COL22A1: variants seen among roughly 807,000 people sequenced by gnomAD.
COL22A1 encodes collagen type XXII alpha 1 chain.
A neutral mutation model predicts 248.9 loss-of-function variants in COL22A1; 221 were observed. The ratio of observed to expected loss-of-function variants is 0.89; its 90% CI spans 0.80 to 0.99. COL22A1 has a LOEUF of 0.99. Ranked by LOEUF, COL22A1 falls within the 50% of genes least tolerant of loss-of-function variation. The probability of loss-of-function intolerance (pLI) is 0.00; values close to 1 mark genes in which losing one functional copy is unlikely to be tolerated. For synonymous variants in COL22A1, 891 were observed against 793.4 expected (o/e 1.12, Z -2.07); for missense variants, 2,240 against 2,179.0 (o/e 1.03, Z -0.56).
intron 44 of COL22A1, 27 bp from the exon 45 acceptor site, chr8:138,655,971 A>G (rs1214689826): frequency 1.9e-6 from 3 of 1,567,152 alleles, no homozygotes; most frequent in East Asian, 4.5e-5. Context: ...AAACAAACAC[A>G]TACGTACATG....
At chr8:138,665,055 CA>C (rs1189972142) in intron 41 of COL22A1, among the ~76,000 whole-genome samples, 3 of 152,134 alleles carry the variant, frequency 2.0e-5, no homozygotes, top group Admixed American at 6.5e-5. Context: ...AGTATAGTGT[CA>C]GGGGTAACCT....
chr8:138,878,470 T>C lies in COL22A1; in HGVS notation c.92-154A>G, dbSNP rs1384830268. Among the ~76,000 whole-genome samples, 3 of 152,182 alleles carry C rather than the reference T, an allele frequency of 2.0e-5. No homozygotes were observed. In the East Asian group the frequency reaches 5.8e-4, roughly 29 times the overall value. On this transcript the variant is annotated intron_variant, in intron 2 of 64. Transcript: ENST00000303045. ...AGGGCCCTGGGCTGCCTGAAAGGCC[T>C]GAGCCTCAGTTTCCACACCTTCACA...
intron 20 of COL22A1, 109 bp from the exon 21 acceptor site, chr8:138,755,319 C>A: frequency 7.5e-7 from 1 of 1,328,080 alleles, no homozygotes. Context: ...TCCAAGTTCT[C>A]GATAGGGAGT....
intron 12 of COL22A1, among the ~76,000 whole-genome samples, chr8:138,789,371 C>A (rs1041326682): frequency 6.6e-6 from 1 of 152,186 alleles, no homozygotes; most frequent in Non-Finnish European, 1.5e-5. Flanking sequence ...AGGCACTCAA[C>A]CACAGTTATC....
intron 47 of COL22A1, among the ~76,000 whole-genome samples, chr8:138,640,684 T>A (rs975406320): frequency 6.6e-6 from 1 of 152,188 alleles, no homozygotes; most frequent in Non-Finnish European, 1.5e-5. Flanking sequence ...GCAAGTATTA[T>A]GAGGACCACT....
intron 59 of COL22A1, among the ~76,000 whole-genome samples, chr8:138,604,361 TG>T (rs1238174274): frequency 6.6e-6 from 1 of 152,198 alleles, no homozygotes; most frequent in Non-Finnish European, 1.5e-5. Flanking sequence ...AGAGGATCAC[TG>T]CAGTGTTCAA....
chr8:138,845,771 A>G, intron 3 of COL22A1, among the ~76,000 whole-genome samples: 1 of 152,120 alleles, frequency 6.6e-6, no homozygotes, highest in East Asian at 1.9e-4. Context: ...ATTGGGCAAG[A>G]TTATGCCCAC....
chr8:138,623,884 A>G (rs1021916955), intron 51 of COL22A1, 99 bp from the exon 52 acceptor site: 1 of 1,013,504 alleles, frequency 9.9e-7, no homozygotes, highest in Non-Finnish European at 1.5e-6. Flanking sequence ...AGCTTCCAGC[A>G]GTTGCCTTCA....
intron 30 of COL22A1, among the ~76,000 whole-genome samples, chr8:138,703,851 G>C (rs1354043330): frequency 6.6e-6 from 1 of 152,184 alleles, no homozygotes; most frequent in Non-Finnish European, 1.5e-5. Context: ...GAGGCACAAA[G>C]AGTTGGGGAA....
intron 16 of COL22A1, among the ~76,000 whole-genome samples, chr8:138,764,965 T>C (rs1220650443): frequency 6.6e-6 from 1 of 151,972 alleles, no homozygotes; most frequent in Non-Finnish European, 1.5e-5. Context: ...CAAAACAAAA[T>C]AAAAGTAATA....
At chr8:138,589,530 A>G in intron 64 of COL22A1, 90 bp from the exon 65 acceptor site, 11 of 1,095,554 alleles carry the variant, frequency 1.0e-5, no homozygotes, top group Non-Finnish European at 1.4e-5. Context: ...TTCACTATGA[A>G]CTCAGGACCT....
intron 3 of COL22A1, among the ~76,000 whole-genome samples, chr8:138,873,132 C>A (rs1008799009): frequency 6.6e-6 from 1 of 152,174 alleles, no homozygotes; most frequent in African/African-American, 2.4e-5. Flanking sequence ...ACTTCCACAC[C>A]TGTCCCCTGC....
chr8:138,891,695 G>A (rs573472576), intron 1 of COL22A1, among the ~76,000 whole-genome samples: 16 of 152,112 alleles, frequency 1.1e-4, no homozygotes, highest in Non-Finnish European at 2.2e-4. Context: ...CAGTCACTCA[G>A]CAACATTGCT....
At chr8:138,804,451 G>A (rs567687340) in intron 10 of COL22A1, among the ~76,000 whole-genome samples, 2 of 152,358 alleles carry the variant, frequency 1.3e-5, no homozygotes, top group East Asian at 1.9e-4. Context: ...AAGCACAGCA[G>A]AGGCAGCCAT....
intron 3 of COL22A1, among the ~76,000 whole-genome samples, chr8:138,871,146 A>G (rs1586931637): frequency 6.6e-6 from 1 of 152,076 alleles, no homozygotes; most frequent in South Asian, 2.1e-4. Flanking sequence ...CAGACACGCC[A>G]CCCAGACTTG....
intron 23 of COL22A1, among the ~76,000 whole-genome samples, chr8:138,726,510 A>AAAG (rs1289740296): frequency 6.6e-6 from 1 of 151,128 alleles, no homozygotes; most frequent in East Asian, 1.9e-4. Context: ...AAAAAAAAAA[A>AAAG]AAAGAAAGAA....
intron 39 of COL22A1, among the ~76,000 whole-genome samples, chr8:138,683,276 TA>T (rs1423231149): frequency 6.6e-6 from 1 of 152,136 alleles, no homozygotes; most frequent in East Asian, 1.9e-4. Flanking sequence ...ATGCAGTATA[TA>T]AAGTAATGAA....
intron 45 of COL22A1, among the ~76,000 whole-genome samples, chr8:138,650,909 C>T (rs539682053): frequency 6.6e-6 from 1 of 152,312 alleles, no homozygotes; most frequent in South Asian, 2.1e-4. Context: ...CAGTTCAACG[C>T]TGTCAACTGA....
chr8:138,852,592 G>C (rs1034068047), intron 3 of COL22A1, among the ~76,000 whole-genome samples: 1 of 152,214 alleles, frequency 6.6e-6, no homozygotes, highest in Non-Finnish European at 1.5e-5. Flanking sequence ...CTGGAGCAGG[G>C]ATAGTGTTTA....
Sources: allele counts gnomAD v4.1 joint callset (sites outside exome capture counted in the v4.1 genomes callset), GRCh38; gene constraint gnomAD v4.1.1; transcripts MANE v1.5; gene names NCBI Gene and HGNC (gene_info 2026-07-23, HGNC 2026-07-21).